Variants in DLG2 observed in about 807,000 individuals in gnomAD.
The protein encoded by DLG2 is discs large MAGUK scaffold protein 2.
In DLG2, 45 loss-of-function variants were observed where a neutral mutation model predicts 132.5. The ratio of observed to expected loss-of-function variants is 0.34; its 90% CI spans 0.27 to 0.44. The LOEUF (loss-of-function observed/expected upper bound fraction) is 0.44. DLG2 is among the 20% of genes least tolerant of loss of function. The probability of loss-of-function intolerance (pLI) is 1.00; values close to 1 mark genes in which losing one functional copy is unlikely to be tolerated. For synonymous variants in DLG2, 424 were observed against 419.6 expected, an observed-to-expected ratio of 1.01 and a Z score of -0.13; for missense variants, 1,045 against 1,196.9, an observed-to-expected ratio of 0.87 and a Z score of 1.87.
intron 8 of DLG2, among the ~76,000 whole-genome samples, chr11:84,166,500 C>CAAAAAAAAAAA (rs398016937): frequency 6.2e-5 from 5 of 80,938 alleles, no homozygotes; most frequent in African/African-American, 1.9e-4. Flanking sequence ...GACTCTGCTT[C>CAAAAAAAAAAA]AAAAAAAAAA....
chr11:85,409,142 T>G (rs1055997044), intron 3 of DLG2, among the ~76,000 whole-genome samples: 1 of 150,762 alleles, frequency 6.6e-6, no homozygotes, highest in Admixed American at 6.6e-5. Flanking sequence ...CCTTTTACCA[T>G]TCATAGTCTC....
chr11:83,675,294 C>A (rs1042268295), intron 18 of DLG2, among the ~76,000 whole-genome samples: 2 of 152,182 alleles, frequency 1.3e-5, no homozygotes, highest in African/African-American at 4.8e-5. Context: ...ATTTTGTTAA[C>A]AAATATTTTA....
chr11:85,311,922 A>G (rs1451100712), intron 3 of DLG2, among the ~76,000 whole-genome samples: 5 of 152,044 alleles, frequency 3.3e-5, no homozygotes, highest in Admixed American at 6.6e-5. Flanking sequence ...ACCACAAAAT[A>G]CCAAATATCT....
chr11:85,585,449 T>G (rs1565721166), intron 3 of DLG2, among the ~76,000 whole-genome samples: 1 of 152,232 alleles, frequency 6.6e-6, no homozygotes, highest in East Asian at 1.9e-4. Flanking sequence ...TCCAAAACTA[T>G]GTTGACTAGA....
chr11:84,159,780 G>A (rs947770611), intron 9 of DLG2, among the ~76,000 whole-genome samples: 77 of 152,236 alleles, frequency 5.1e-4, no homozygotes, highest in African/African-American at 1.8e-3. Flanking sequence ...TTGAGGCATG[G>A]GATGAAATTG....
At chr11:83,740,215 G>A (rs2092393168) in intron 18 of DLG2, among the ~76,000 whole-genome samples, 1 of 152,128 alleles carries the variant, frequency 6.6e-6, no homozygotes, top group Admixed American at 6.6e-5. Context: ...AATACTCAGT[G>A]CAGCATTGTT....
intron 11 of DLG2, among the ~76,000 whole-genome samples, chr11:83,998,033 G>A (rs1352491625): frequency 6.6e-6 from 1 of 151,902 alleles, no homozygotes; most frequent in African/African-American, 2.4e-5. Flanking sequence ...TACTCGGGAG[G>A]CTGAGGCATG....
At chr11:85,499,165 G>T (rs12798369) in intron 3 of DLG2, among the ~76,000 whole-genome samples, 11,857 of 152,028 alleles carry the variant, frequency 0.078, 636 homozygotes, top group Non-Finnish European at 0.11. Flanking sequence ...CCTGGAGCTG[G>T]TTTTTTTAAA....
At chr11:83,928,695 G>A (rs908831188) in intron 15 of DLG2, among the ~76,000 whole-genome samples, 1 of 151,896 alleles carries the variant, frequency 6.6e-6, no homozygotes, top group Non-Finnish European at 1.5e-5. Flanking sequence ...GATGATCTTG[G>A]GCAAGTCAGG....
At chr11:84,573,221 G>A (rs1407495066) in intron 6 of DLG2, among the ~76,000 whole-genome samples, 3 of 152,018 alleles carry the variant, frequency 2.0e-5, no homozygotes, top group Non-Finnish European at 4.4e-5. Context: ...TAGTAGCTAA[G>A]TAAATTTTTT....
At chr11:84,553,401 T>C (rs2099405785) in intron 6 of DLG2, among the ~76,000 whole-genome samples, 1 of 152,194 alleles carries the variant, frequency 6.6e-6, no homozygotes, top group Admixed American at 6.5e-5. Context: ...ATGTCATAGT[T>C]AAGATGCATG....
At chr11:84,655,837 CA>C (rs1266284265) in intron 6 of DLG2, among the ~76,000 whole-genome samples, 1 of 150,156 alleles carries the variant, frequency 6.7e-6, no homozygotes, top group Non-Finnish European at 1.5e-5. Context: ...TAATTTCTAT[CA>C]GGGGGCCTTT....
rs140591959 is a variant in DLG2, at chr11:85,102,104, A to T, written c.357+9557T>A. 4.9e-3 allele frequency among the ~76,000 whole-genome samples: 741 copies of T among 151,956 alleles called. 3 individuals carry two copies. Among genetic ancestry groups the T allele is most frequent in the African/African-American group, 0.016 (679 of 41,492 alleles). ...TCCACGATACAAAGCATAGCTAATT[A>T]AAAAAAAGCCTCTTCTAAATTCATC... On this transcript the variant is annotated intron_variant, in intron 6 of 27. Transcript: ENST00000376104.
chr11:84,431,924 C>T (rs2098985926), intron 7 of DLG2, among the ~76,000 whole-genome samples: 1 of 151,990 alleles, frequency 6.6e-6, no homozygotes, highest in African/African-American at 2.4e-5. Context: ...GAAATAATGA[C>T]ACATCTCAAA....
chr11:83,874,954 T>C (rs1472669859), intron 15 of DLG2, among the ~76,000 whole-genome samples: 2 of 152,170 alleles, frequency 1.3e-5, no homozygotes, highest in African/African-American at 2.4e-5. Context: ...TGGAATGAGA[T>C]AACACAGAGC....
At chr11:83,966,440 T>A (rs185456661) in intron 12 of DLG2, among the ~76,000 whole-genome samples, 98 of 152,138 alleles carry the variant, frequency 6.4e-4, no homozygotes, top group African/African-American at 2.2e-3. Flanking sequence ...GAAAAGCCTG[T>A]GATACAAATG....
At chr11:84,386,235 G>A (rs1175238970) in intron 7 of DLG2, among the ~76,000 whole-genome samples, 1 of 151,890 alleles carries the variant, frequency 6.6e-6, no homozygotes. Context: ...ACCCTTATAT[G>A]AGTATACCTC....
At chr11:84,777,330 T>C in intron 6 of DLG2, among the ~76,000 whole-genome samples, 1 of 133,812 alleles carries the variant, frequency 7.5e-6, no homozygotes, top group Non-Finnish European at 1.6e-5. Context: ...TATATACGTT[T>C]TCTTTACCCA....
chr11:85,098,124 A>C (rs1170535732), intron 6 of DLG2, among the ~76,000 whole-genome samples: 1 of 152,226 alleles, frequency 6.6e-6, no homozygotes, highest in Non-Finnish European at 1.5e-5. Context: ...TTATCATCTC[A>C]TTCAATCACA....
Sources: gnomAD v4.1 joint callset for allele counts (sites outside exome capture counted in the v4.1 genomes callset) on GRCh38, gnomAD v4.1.1 for gene constraint, MANE v1.5 for transcripts, NCBI Gene and HGNC (gene_info 2026-07-23, HGNC 2026-07-21) for gene names.